The following LARGE1 variants were observed in gnomAD, a reference collection of about 807,000 sequenced individuals.
LARGE1 encodes xylosyl- and glucuronyltransferase LARGE1.
Under a neutral mutation model 87.6 loss-of-function variants are expected in LARGE1, and 43 were observed. The ratio of observed to expected loss-of-function variants is 0.49; its 90% CI spans 0.38 to 0.63. LARGE1 has a LOEUF of 0.63. LARGE1 is among the 30% of genes least tolerant of loss of function. The pLI is 0.00. For synonymous variants in LARGE1, 434 were observed against 394.6 expected (o/e 1.10, Z -1.18); for missense variants, 802 against 1,000.2 (o/e 0.80, Z 2.67).
At chr22:33,220,187 C>A (rs1248021848) in intron 11 of LARGE1, among the ~76,000 whole-genome samples, 1 of 152,136 alleles carries the variant, frequency 6.6e-6, no homozygotes, top group African/African-American at 2.4e-5. Flanking sequence ...TGAGGTCACG[C>A]ACAGCTCAGG....
At chr22:33,215,271 C>A (rs973677685) in intron 11 of LARGE1, among the ~76,000 whole-genome samples, 1 of 152,156 alleles carries the variant, frequency 6.6e-6, no homozygotes, top group Non-Finnish European at 1.5e-5. Flanking sequence ...CTTGGAGTCA[C>A]CTTTCAAGTA....
chr22:33,249,756 G>A (rs1351384072), intron 11 of LARGE1, among the ~76,000 whole-genome samples: 1 of 152,132 alleles, frequency 6.6e-6, no homozygotes, highest in Non-Finnish European at 1.5e-5. Context: ...TTTTGCATGT[G>A]GATGTCCAGT....
At chr22:33,578,359 T>TA (rs1017452347) in intron 5 of LARGE1, among the ~76,000 whole-genome samples, 53 of 152,268 alleles carry the variant, frequency 3.5e-4, no homozygotes, top group African/African-American at 1.1e-3. Flanking sequence ...AAATCCCCTT[T>TA]AAAAAAATCA....
At chr22:33,843,494 A>G (rs747358056) in intron 1 of LARGE1, among the ~76,000 whole-genome samples, 43 of 148,650 alleles carry the variant, frequency 2.9e-4, no homozygotes, top group Non-Finnish European at 4.8e-4. Flanking sequence ...AAGAGGTCTC[A>G]ACAGAGGTAG....
intron 11 of LARGE1, among the ~76,000 whole-genome samples, chr22:33,211,934 T>C (rs1275288627): frequency 6.6e-6 from 1 of 152,152 alleles, no homozygotes; most frequent in Non-Finnish European, 1.5e-5. Flanking sequence ...AGACCCTAAC[T>C]CTCTTCAATT....
chr22:33,234,950 C>T (rs902516870), intron 11 of LARGE1, among the ~76,000 whole-genome samples: 5 of 152,146 alleles, frequency 3.3e-5, no homozygotes, highest in African/African-American at 4.8e-5. Context: ...ATTACAAAAG[C>T]ACTTTGAGAT....
intron 1 of LARGE1, among the ~76,000 whole-genome samples, chr22:33,897,736 A>G (rs2065182302): frequency 6.6e-6 from 1 of 152,184 alleles, no homozygotes; most frequent in African/African-American, 2.4e-5. Context: ...AAAAATAAGT[A>G]CATTAAGCAC....
intron 4 of LARGE1, among the ~76,000 whole-genome samples, chr22:33,621,211 T>C (rs929334729): frequency 1.3e-5 from 2 of 152,254 alleles, no homozygotes; most frequent in African/African-American, 2.4e-5. Flanking sequence ...TTAAGTATTA[T>C]CCAATTTTAT....
intron 2 of LARGE1, chr22:33,723,850 C>A (rs2149449973): frequency 6.6e-6 from 1 of 152,324 alleles, no homozygotes; most frequent in Middle Eastern, 3.4e-3. Context: ...CGATTCATCA[C>A]TGAGCCCAGC....
chr22:33,739,009 A>G (rs2083773433), intron 2 of LARGE1, among the ~76,000 whole-genome samples: 2 of 150,554 alleles, frequency 1.3e-5, no homozygotes, highest in African/African-American at 4.9e-5. Flanking sequence ...TGACAGGAAG[A>G]GTGAAGAAAG....
At chr22:33,915,016 C>CAA (rs2065743127) in intron 1 of LARGE1, among the ~76,000 whole-genome samples, 1 of 89,580 alleles carries the variant, frequency 1.1e-5, no homozygotes, top group East Asian at 5.2e-4. Flanking sequence ...AACACAAACA[C>CAA]ACACACACAC....
intron 2 of LARGE1, among the ~76,000 whole-genome samples, chr22:33,679,491 C>CAT (rs1334002124): frequency 1.3e-5 from 2 of 151,856 alleles, no homozygotes; most frequent in African/African-American, 2.4e-5. Context: ...CACACACACA[C>CAT]GAAGAATGCC....
intron 11 of LARGE1, among the ~76,000 whole-genome samples, chr22:33,246,517 G>A (rs772668877): frequency 1.3e-5 from 2 of 152,046 alleles, no homozygotes; most frequent in African/African-American, 2.4e-5. Context: ...GTGGTGGTGC[G>A]CACCTGTAAT....
intron 11 of LARGE1, among the ~76,000 whole-genome samples, chr22:33,226,589 A>G (rs1179970835): frequency 6.6e-6 from 1 of 152,206 alleles, no homozygotes; most frequent in Non-Finnish European, 1.5e-5. Flanking sequence ...AAAGTCCTAC[A>G]ATTACAATTC....
chr22:33,284,054 C>T (rs968655624), intron 12 of LARGE1, among the ~76,000 whole-genome samples: 2 of 152,116 alleles, frequency 1.3e-5, no homozygotes, highest in African/African-American at 4.8e-5. Flanking sequence ...AGAACTTGGT[C>T]TTCCTGGAGA....
rs374659787 is a variant in LARGE1 at position 33,581,281 on chromosome 22, C to A, written c.616-16262G>T. The stretch of plus-strand genomic sequence containing the variant: ...CTAACACCAGTACCTAATGCTGGAA[C>A]TTTATCATGGGAAACAGATGGAATT... On this transcript the variant is annotated intron_variant, in intron 5 of 14. Coordinates refer to ENST00000397394, the MANE Select transcript of LARGE1 (RefSeq NM_133642.5). 3.4e-4 allele frequency among the ~76,000 whole-genome samples: 52 copies of A among 152,254 alleles called. No individual in the cohort carries two copies. The East Asian group carries it at 9.5e-3, about 28-fold the overall frequency.
chr22:33,517,711 T>C (rs578181363), intron 6 of LARGE1, among the ~76,000 whole-genome samples: 1 of 152,342 alleles, frequency 6.6e-6, no homozygotes, highest in South Asian at 2.1e-4. Flanking sequence ...CCAGAGAATT[T>C]TGTATACAAC....
intron 9 of LARGE1, among the ~76,000 whole-genome samples, chr22:33,365,009 C>G (rs982309131): frequency 6.6e-6 from 1 of 152,054 alleles, no homozygotes; most frequent in African/African-American, 2.4e-5. Context: ...AGAATTTTAT[C>G]CCTTTTCAAG....
At chr22:33,147,625 A>G in the LARGE1 span, among the ~76,000 whole-genome samples, 6 of 152,204 alleles carry the variant, frequency 3.9e-5, no homozygotes, top group Non-Finnish European at 7.4e-5. Context: ...CATATATGTG[A>G]TCCAATTATC....
Sources: allele counts gnomAD v4.1 joint callset (sites outside exome capture counted in the v4.1 genomes callset), GRCh38; gene constraint gnomAD v4.1.1; transcripts MANE v1.5; gene names NCBI Gene and HGNC (gene_info 2026-07-23, HGNC 2026-07-21).